Variants in BCOR observed in about 807,000 individuals in gnomAD.
BCOR encodes BCL6 corepressor.
Under a neutral mutation model 86.7 loss-of-function variants are expected in BCOR, and 10 were observed. That is an observed-to-expected ratio of 0.12 (90% CI 0.07 to 0.20). BCOR has a LOEUF of 0.20. Among genes scored for constraint, BCOR ranks in the 10% least tolerant of loss-of-function variants. BCOR has a pLI of 1.00. For missense variants in BCOR, 1,259 were observed against 1,452.1 expected, an observed-to-expected ratio of 0.87 and a Z score of 2.16; for synonymous variants, 611 against 609.0, an observed-to-expected ratio of 1.00 and a Z score of -0.05.
intron 1 of BCOR, among the ~76,000 whole-genome samples, chrX:40,166,417 C>T (rs1002448745): frequency 1.8e-5 from 2 of 112,224 alleles, no homozygotes; most frequent in Non-Finnish European, 3.8e-5. Flanking sequence ...TAGGCTGCTC[C>T]TTCTTGTCCT....
rs1474445948 is a variant in BCOR, at chrX:40,063,091, C to A, written c.3848-20G>T. The A allele has an allele frequency of 6.0e-6, 3 of 499,235 alleles. No homozygotes were observed. The highest frequency in any genetic ancestry group is 1.4e-4 in the African/African-American group (1 of 7,099). 41.1% of individuals were successfully genotyped at this position (499,235 alleles called of 1,213,427 possible). A position where few individuals can be genotyped will look rare whatever the true frequency, so the allele number is the denominator to read the frequency against. ...GCAAGCCTAAATACGGAGGGGGTGA[C>A]GGGGTGGCGGGCGGATGGGAGACGG... On this transcript the variant is annotated intron_variant, in intron 8 of 14. Transcript: ENST00000378444.
intron 1 of BCOR, among the ~76,000 whole-genome samples, chrX:40,095,584 GA>G (rs1207950465): frequency 1.8e-5 from 2 of 111,275 alleles, no homozygotes; most frequent in African/African-American, 3.3e-5. Flanking sequence ...TTCTCAAAAC[GA>G]AAAAAGGGGG....
intron 1 of BCOR, among the ~76,000 whole-genome samples, chrX:40,146,949 G>C (rs1187878854): frequency 8.9e-6 from 1 of 112,217 alleles, no homozygotes; most frequent in Non-Finnish European, 1.9e-5. Context: ...GAGTTGGACC[G>C]TGTTTCCGCC....
At position 40,063,928 on chromosome X, in the gene BCOR, G is replaced by T; in HGVS notation, c.3527C>A (p.Thr1176Lys). Residue 1176 changes from threonine to lysine, a missense_variant, in exon 8 of 15, where the codon ACA becomes AAA. Around this residue, in one of 7 missense-constraint regions of BCOR, gnomAD observed 305 missense variants for 286.1 expected, o/e 1.07. Transcript: ENST00000378444. ...TTCTAAGTGGTTAGAGGAACTGTTT[G>T]TCATTTCCCTCTCAGGCCAGTCATC... ...SKDDWPEREM[T>K]NSSSNHLEDP... is the part of the protein sequence containing the mutation. The T allele has an allele frequency of 8.4e-7, 1 of 1,197,016 alleles. No individual in the cohort carries two copies. Among genetic ancestry groups the T allele is most frequent in the East Asian group, 3.0e-5 (1 of 33,249 alleles).
intron 1 of BCOR, among the ~76,000 whole-genome samples, chrX:40,112,072 C>T (rs1227838876): frequency 9.0e-6 from 1 of 111,128 alleles, no homozygotes; most frequent in Non-Finnish European, 1.9e-5. Flanking sequence ...GTTTTTCAGT[C>T]CTTGCCTTCC....
At chrX:40,114,399 G>A (rs1304316916) in intron 1 of BCOR, among the ~76,000 whole-genome samples, 1 of 111,681 alleles carries the variant, frequency 9.0e-6, no homozygotes. Flanking sequence ...TGCTGGTGGG[G>A]AGGCCTTGGG....
intron 1 of BCOR, among the ~76,000 whole-genome samples, chrX:40,154,213 C>T (rs997778833): frequency 8.0e-5 from 9 of 112,582 alleles, no homozygotes; most frequent in Non-Finnish European, 1.5e-4. Context: ...GTCCTTGAGG[C>T]GGCCTCTCTC....
At chrX:40,149,199 C>A (rs1441408392) in intron 1 of BCOR, among the ~76,000 whole-genome samples, 5 of 110,461 alleles carry the variant, frequency 4.5e-5, no homozygotes, top group African/African-American at 1.3e-4. Flanking sequence ...GTCATCCCCA[C>A]CCCCAGCCTC....
At chrX:40,169,841 C>CG (rs1938583315) in intron 1 of BCOR, among the ~76,000 whole-genome samples, 1 of 109,098 alleles carries the variant, frequency 9.2e-6, no homozygotes, top group Admixed American at 9.7e-5. Flanking sequence ...CGGCGCTGCA[C>CG]GGGGGGCAAT....
chrX:40,172,555 G>C (rs1938649843), intron 1 of BCOR, among the ~76,000 whole-genome samples: 1 of 113,229 alleles, frequency 8.8e-6, no homozygotes, highest in Non-Finnish European at 1.9e-5. Context: ...AGCCGTGTGT[G>C]TTTATGTGTC....
At chrX:40,113,681 T>C (rs188793740) in intron 1 of BCOR, among the ~76,000 whole-genome samples, 1 of 111,854 alleles carries the variant, frequency 8.9e-6, no homozygotes, top group East Asian at 2.8e-4. Context: ...GATGTACATA[T>C]ATCCATAATG....
chrX:40,149,894 C>T (rs1938134871), intron 1 of BCOR, among the ~76,000 whole-genome samples: 1 of 112,365 alleles, frequency 8.9e-6, no homozygotes, highest in Non-Finnish European at 1.9e-5. Context: ...CTGCAATCTT[C>T]TGAGGCACTC....
chrX:40,064,353 C>A lies in BCOR; in HGVS notation c.3485G>T (p.Arg1162Leu). ...VPEDPLLKAKRRRVSKDDWPE... is the reference protein window; with the variant it reads ...VPEDPLLKAKLRRVSKDDWPE... ...GGGCTCACCTTTAGAGACTCGTCGG[C>A]GTTTGGCTTTCAGCAGAGGGTCCTC... is the stretch of plus-strand genomic sequence containing the variant. The change falls in exon 7 of 15, where the codon CGC (arginine) becomes CTC (leucine). Residue 1162 changes from arginine to leucine, a missense_variant. By Grantham distance (102) the Arg-to-Leu change is moderately radical (BLOSUM62 -2). Transcript: ENST00000378444. 8.2e-7 allele frequency: 1 copy of A among 1,212,287 alleles called. No homozygotes were observed. The highest frequency in any genetic ancestry group is 2.3e-4 in the Middle Eastern group (1 of 4,345).
At position 40,120,815 on chromosome X, in the gene BCOR, A is replaced by G. The variant is rs1264008429; in HGVS notation, c.-40-42846T>C. ...TACCATGGATGGTGGACAGTGATGT[A>G]TGCCATGGAAAGAAAAGTGGGAGCA... On this transcript the variant is annotated intron_variant, in intron 1 of 14. Coordinates refer to the BCOR transcript ENST00000342274. 1.3e-4 allele frequency among the ~76,000 whole-genome samples: 15 copies of G among 112,444 alleles called. No homozygotes were observed. In the Admixed American group the frequency reaches 1.4e-3, roughly 11 times the overall value.
At position 40,063,940 on chromosome X, in the gene BCOR, T is replaced by A. The variant is rs764605299; in HGVS notation, c.3515A>T (p.Glu1172Val). The A allele has an allele frequency of 8.6e-7, 1 of 1,168,923 alleles. No homozygotes were observed. The highest frequency in any genetic ancestry group is 1.8e-5 in the South Asian group (1 of 55,001). The change falls in exon 8 of 15, where the codon GAG becomes GTG. Residue 1172 changes from glutamate (E) to valine (V), a missense_variant. Glu to Val is a moderately radical substitution (Grantham distance 121, BLOSUM62 -2). Around this residue, in one of 7 missense-constraint regions of BCOR, gnomAD observed 305 missense variants for 286.1 expected, o/e 1.07. Coordinates refer to ENST00000378444, the MANE Select transcript of BCOR (RefSeq NM_001123385.2). ...AGAGGAACTGTTTGTCATTTCCCTCTCAGGCCAGTCATCTAATGGAGAAAT... is the reference window on the plus strand; with the variant it reads ...AGAGGAACTGTTTGTCATTTCCCTCACAGGCCAGTCATCTAATGGAGAAAT... The part of the protein sequence containing the change: ...RRRVSKDDWP[E>V]REMTNSSSNH...
chrX:40,155,895 C>CGGACTCTCCGCGCACCT (rs1457553068), intron 1 of BCOR, among the ~76,000 whole-genome samples: 1 of 112,925 alleles, frequency 8.9e-6, no homozygotes, highest in Non-Finnish European at 1.9e-5. Flanking sequence ...CCAGCACACC[C>CGGACTCTCCGCGCACCT]GGACTCTCCG....
At position 40,067,139 on chromosome X, in the gene BCOR, A is replaced by G. The variant is rs371584314; in HGVS notation, c.3239-2540T>C. 2.7e-5 allele frequency among the ~76,000 whole-genome samples: 3 copies of G among 111,828 alleles called. No homozygotes were observed. In the East Asian group the frequency reaches 8.4e-4, roughly 31 times the overall value. ...CTTCCTAATAGTGAAATGAGTTTAT[A>G]TCTCACCTACCTGGCCTTATGCCCA... On this transcript the variant is annotated intron_variant, in intron 6 of 14. Transcript: ENST00000378444.
rs11272476 is a variant in BCOR, at chrX:40,137,548, AAAAAT to A, written c.-41+39454_-41+39458del. On this transcript the variant is annotated intron_variant, in intron 1 of 14. Transcript: ENST00000342274. Reference sequence around the variant, plus strand: ...AGATAATAGAGTGAGACTCCATCTCAAAAATAAAATAAAATAAAATAAAATAAAAT... The same window carrying A: ...AGATAATAGAGTGAGACTCCATCTCAAAAATAAAATAAAATAAAATAAAAT... Among the ~76,000 whole-genome samples the A allele has an allele frequency of 3.8e-3, 359 of 93,752 alleles. 3 individuals carry two copies. The highest frequency in any genetic ancestry group is 6.2e-3 in the African/African-American group (152 of 24,392). The allele number at this position is 93,752 out of a possible 115,157, so 81.4% of individuals were successfully genotyped here.
rs756537048 is a variant in BCOR, at chrX:40,096,692, G to A, written c.-41+523C>T. Among the ~76,000 whole-genome samples, 165 of 112,344 alleles carry A rather than the reference G, an allele frequency of 1.5e-3. 1 individual carries two copies. The highest frequency in any genetic ancestry group is 5.0e-3 in the African/African-American group (156 of 30,978). ...CACTTGGAGGAACGACCGGCCCCCG[G>A]AGAGGCGAGACGAGGCGGCGGTGGC... On this transcript the variant is annotated intron_variant, in intron 1 of 14. Transcript: ENST00000378444.
Sources: gnomAD v4.1 joint callset for allele counts (sites outside exome capture counted in the v4.1 genomes callset) on GRCh38, gnomAD v4.1.1 for gene constraint, gnomAD v4.1.1 regional missense constraint, MANE v1.5 for transcripts, NCBI Gene and HGNC (gene_info 2026-07-23, HGNC 2026-07-21) for gene names.